The following JAZF1 variants were observed in gnomAD, a reference collection of about 807,000 sequenced individuals.
The protein encoded by JAZF1 is JAZF zinc finger 1.
JAZF1 carries 8 observed loss-of-function variants against 26.4 expected under a neutral mutation model. That is an observed-to-expected ratio of 0.30 (90% CI 0.18 to 0.55). The LOEUF is 0.55. Among genes scored for constraint, JAZF1 ranks in the 20% least tolerant of loss-of-function variants. JAZF1 has a pLI of 0.94. For missense variants in JAZF1, 199 were observed against 322.0 expected, an observed-to-expected ratio of 0.62 and a Z score of 2.92; for synonymous variants, 126 against 122.3, an observed-to-expected ratio of 1.03 and a Z score of -0.20.
At chr7:27,995,269 G>C (rs1200169693) in intron 1 of JAZF1, among the ~76,000 whole-genome samples, 2 of 152,068 alleles carry the variant, frequency 1.3e-5, no homozygotes, top group Non-Finnish European at 2.9e-5. Context: ...CTCAGCAAAT[G>C]GTCTATGGAA....
At chr7:28,002,853 A>C (rs1486621945) in intron 1 of JAZF1, among the ~76,000 whole-genome samples, 1 of 152,012 alleles carries the variant, frequency 6.6e-6, no homozygotes, top group Non-Finnish European at 1.5e-5. Context: ...CTTGGCCAAC[A>C]GGATAAGGCT....
chr7:28,167,380 C>T (rs1303330413), intron 1 of JAZF1, among the ~76,000 whole-genome samples: 1 of 152,130 alleles, frequency 6.6e-6, no homozygotes, highest in Non-Finnish European at 1.5e-5. Flanking sequence ...ATACTATCAC[C>T]CCATCTTAGA....
chr7:28,087,657 A>G (rs1213612263), intron 1 of JAZF1, among the ~76,000 whole-genome samples: 1 of 152,190 alleles, frequency 6.6e-6, no homozygotes, highest in Non-Finnish European at 1.5e-5. Flanking sequence ...CTTCTAAGCA[A>G]AGAAAAATTT....
intron 2 of JAZF1, among the ~76,000 whole-genome samples, chr7:27,899,484 G>C (rs1005180300): frequency 6.6e-6 from 1 of 152,156 alleles, no homozygotes; most frequent in Non-Finnish European, 1.5e-5. Context: ...ACCCAGGCTG[G>C]TGTGCAGTGG....
intron 1 of JAZF1, among the ~76,000 whole-genome samples, chr7:28,115,240 G>C (rs1406534172): frequency 6.6e-6 from 1 of 152,160 alleles, no homozygotes; most frequent in Non-Finnish European, 1.5e-5. Context: ...CACATTTAAG[G>C]TAAGAAAAGA....
chr7:28,146,214 G>GC (rs1783025296), intron 1 of JAZF1, among the ~76,000 whole-genome samples: 1 of 152,238 alleles, frequency 6.6e-6, no homozygotes, highest in Admixed American at 6.5e-5. Context: ...ATACTAAGGA[G>GC]CAGAAGCCAG....
intron 1 of JAZF1, among the ~76,000 whole-genome samples, chr7:28,096,067 T>TG (rs200884217): frequency 6.4e-4 from 97 of 151,416 alleles, no homozygotes; most frequent in East Asian, 3.7e-3. Context: ...ATATGAAATT[T>TG]GGGGGGGGCA....
In JAZF1 at chr7:27,840,305, C is replaced by T. The variant is rs574162340; in HGVS notation, c.555+393G>A. Among the ~76,000 whole-genome samples the T allele has an allele frequency of 7.9e-4, 121 of 152,330 alleles. No individual in the cohort carries two copies. The highest frequency in any genetic ancestry group is 2.8e-3 in the African/African-American group (115 of 41,580). On this transcript the variant is annotated intron_variant, in intron 4 of 4. Coordinates refer to ENST00000283928, the MANE Select transcript of JAZF1 (RefSeq NM_175061.4). The surrounding 1 kb of genome is among the most constrained non-coding windows in gnomAD (Gnocchi z 5.1). ...CTTTTACAACTTCAAAGTGGTCTCC[C>T]GTGAGCCATCTGTAGGGCCATCCGT...
intron 1 of JAZF1, among the ~76,000 whole-genome samples, chr7:28,120,659 T>G (rs1368026125): frequency 6.6e-6 from 1 of 151,820 alleles, no homozygotes; most frequent in African/African-American, 2.4e-5. Context: ...CATTTAACTC[T>G]GGAATTCATG....
rs1782721852 is a variant in JAZF1 at position 27,832,412 on chromosome 7, T to C, written c.*388A>G. On this transcript the variant is annotated 3_prime_UTR_variant, in exon 5 of 5. Coordinates refer to ENST00000283928, the MANE Select transcript of JAZF1 (RefSeq NM_175061.4). ...ATATGTGAGTTGATGTGTTGAAAAC[T>C]TCAATCACATTACAATCTTGAAAAA... 2 of 230,020 alleles carry C rather than the reference T, an allele frequency of 8.7e-6. No individual in the cohort carries two copies. Among genetic ancestry groups the C allele is most frequent in the South Asian group, 3.6e-4 (2 of 5,580 alleles). The allele number at this position is 230,020 out of a possible 1,614,324, so 14.2% of individuals were successfully genotyped here.
At position 27,895,353 on chromosome 7, in the gene JAZF1, G is replaced by A. The variant is rs1200180708; in HGVS notation, c.252C>T (p.Leu84=). Residue 84 remains leucine (L), a synonymous_variant, in exon 3 of 5, where the codon CTC becomes CTT. Coordinates refer to ENST00000283928, the MANE Select transcript of JAZF1 (RefSeq NM_175061.4). ...ESLKKKIQPK[L]SLTLSSSVSR... is the part of the protein sequence containing the mutation. ...ACACTGAGCTGGACAGAGTCAGCGA[G>A]AGCTTCGGCTGAATCTTCTTCTTTA... 3 of 1,609,652 alleles carry A rather than the reference G, an allele frequency of 1.9e-6. No individual in the cohort carries two copies. The highest frequency in any genetic ancestry group is 2.7e-5 in the African/African-American group (2 of 74,850).
intron 1 of JAZF1, among the ~76,000 whole-genome samples, chr7:28,177,257 A>C (rs142950220): frequency 7.7e-4 from 117 of 152,300 alleles, no homozygotes; most frequent in Middle Eastern, 3.4e-3. Context: ...CCAGGAGAGA[A>C]AAGAGCTAAA....
intron 1 of JAZF1, among the ~76,000 whole-genome samples, chr7:28,130,838 G>A (rs910547059): frequency 6.6e-6 from 1 of 152,158 alleles, no homozygotes; most frequent in African/African-American, 2.4e-5. Flanking sequence ...GAACACAAGA[G>A]ATTGGATAGA....
intron 1 of JAZF1, among the ~76,000 whole-genome samples, chr7:27,994,455 C>A (rs868670557): frequency 1.8e-3 from 60 of 33,472 alleles, no homozygotes; most frequent in African/African-American, 4.3e-3. Context: ...AAAAAAAAAA[C>A]AAAAAACAAA....
At chr7:28,120,625 A>G (rs1243704382) in intron 1 of JAZF1, among the ~76,000 whole-genome samples, 1 of 145,922 alleles carries the variant, frequency 6.9e-6, no homozygotes, top group Non-Finnish European at 1.5e-5. Flanking sequence ...CTCCTGCCTC[A>G]GCCTCCCGAG....
chr7:28,016,394 G>T (rs575791864), intron 1 of JAZF1, among the ~76,000 whole-genome samples: 6 of 152,306 alleles, frequency 3.9e-5, no homozygotes, highest in Admixed American at 3.9e-4. Context: ...TTAATCCCTA[G>T]AATAGTGGGA....
At chr7:28,118,735 T>G (rs1033424867) in intron 1 of JAZF1, among the ~76,000 whole-genome samples, 5 of 150,658 alleles carry the variant, frequency 3.3e-5, no homozygotes, top group Non-Finnish European at 7.4e-5. Flanking sequence ...AGATTAGTTG[T>G]TGGAGATCTA....
At chr7:27,891,851 G>GA (rs1045118203) in intron 3 of JAZF1, among the ~76,000 whole-genome samples, 65 of 151,800 alleles carry the variant, frequency 4.3e-4, no homozygotes, top group Non-Finnish European at 7.8e-4. Context: ...AAACAGAAAA[G>GA]AAAAAAAATT....
chr7:27,963,720 CCGGTT>C (rs1785225503), intron 2 of JAZF1, among the ~76,000 whole-genome samples: 1 of 38,390 alleles, frequency 2.6e-5, no homozygotes, highest in Non-Finnish European at 4.6e-5. Flanking sequence ...CGTCACCACA[CCGGTT>C]TTGTTTTGTT....
Sources: allele counts gnomAD v4.1 joint callset (sites outside exome capture counted in the v4.1 genomes callset), GRCh38; gene constraint gnomAD v4.1.1; non-coding constraint Gnocchi (gnomAD v3.1); transcripts MANE v1.5; gene names NCBI Gene and HGNC (gene_info 2026-07-23, HGNC 2026-07-21).